RSPH9: variants seen among roughly 807,000 people sequenced by gnomAD.
RSPH9 encodes radial spoke head component 9.
A neutral mutation model predicts 27.0 loss-of-function variants in RSPH9; 27 were observed. The ratio of observed to expected loss-of-function variants is 1.00; its 90% CI spans 0.74 to 1.38. The LOEUF (loss-of-function observed/expected upper bound fraction) is 1.38. Among genes scored for constraint, RSPH9 ranks in the 40% most tolerant of loss-of-function variants. The pLI is 0.00. For synonymous variants in RSPH9, 145 were observed against 147.7 expected (o/e 0.98, Z 0.13); for missense variants, 347 against 357.4 (o/e 0.97, Z 0.24).
At chr6:43,669,240 G>A (rs1436312114) in intron 4 of RSPH9, among the ~76,000 whole-genome samples, 1 of 152,232 alleles carries the variant, frequency 6.6e-6, no homozygotes, top group East Asian at 1.9e-4. Flanking sequence ...ATGGGCGATG[G>A]CACTTGGTGC....
At chr6:43,666,450 T>G in intron 4 of RSPH9, 2 of 1,550,564 alleles carry the variant, frequency 1.3e-6, no homozygotes, top group Non-Finnish European at 1.7e-6. Context: ...TCAGGGTGAC[T>G]TCACGTGGCT....
In RSPH9 at chr6:43,670,787, A is replaced by G. The variant is rs1372719050; in HGVS notation, c.671-2A>G. ...CCTCACCTCCTGCCTGTCTTATCTC[A>G]GGGTCCTGGAGCATCCAGATGGAGA... On this transcript the variant is annotated splice_acceptor_variant, in intron 4 of 4. Transcript: ENST00000372163. LOFTEE classifies it high-confidence loss of function. 1.2e-6 allele frequency: 2 copies of G among 1,613,856 alleles called. No individual in the cohort carries two copies. Among genetic ancestry groups the G allele is most frequent in the African/African-American group, 2.7e-5 (2 of 74,930 alleles).
chr6:43,655,404 G>C (rs1453042843), intron 2 of RSPH9, among the ~76,000 whole-genome samples, 158 bp from the exon 3 acceptor site: 1 of 152,220 alleles, frequency 6.6e-6, no homozygotes, highest in Non-Finnish European at 1.5e-5. Flanking sequence ...AGAAAATCTT[G>C]ATAGGAAGGA....
At chr6:43,670,392 G>A (rs1181179783) in intron 4 of RSPH9, among the ~76,000 whole-genome samples, 9 of 152,052 alleles carry the variant, frequency 5.9e-5, no homozygotes, top group Admixed American at 1.3e-4. Context: ...GCCTGAGCCC[G>A]GGAGTTTGAG....
At chr6:43,667,170 C>T (rs1773227376) in intron 4 of RSPH9, among the ~76,000 whole-genome samples, 1 of 152,196 alleles carries the variant, frequency 6.6e-6, no homozygotes. Flanking sequence ...AAAACACCTC[C>T]CTTGCCTCAG....
At chr6:43,646,777 G>A (rs915381928) in intron 1 of RSPH9, among the ~76,000 whole-genome samples, 5 of 151,088 alleles carry the variant, frequency 3.3e-5, no homozygotes, top group African/African-American at 1.2e-4. Flanking sequence ...CCTGGCTAAC[G>A]CGGTGAAACA....
rs147687479 is a variant in RSPH9 at position 43,650,502 on chromosome 6, G to A, written c.355G>A (p.Val119Met). Residue 119 changes from valine (V) to methionine (M), a missense_variant, in exon 2 of 5, where the codon GTG (valine) becomes ATG (methionine). Coordinates refer to ENST00000372163, the MANE Select transcript of RSPH9 (RefSeq NM_152732.5). ...YEYEHTELQK[V>M]NEGEKVFEEE... is the part of the protein sequence containing the mutation. ...ATATGAACACACTGAGCTGCAGAAG[G>A]TGAATGAAGGTGAAAAAGTCTTTGA... The A allele has an allele frequency of 5.1e-5, 82 of 1,614,068 alleles. No individual in the cohort carries two copies. The highest frequency in any genetic ancestry group is 5.7e-5 in the Non-Finnish European group (67 of 1,180,054).
rs1358306378 is a variant in RSPH9, at chr6:43,671,232, G to A, written c.*283G>A. 9.1e-6 allele frequency: 5 copies of A among 549,080 alleles called. No homozygotes were observed. Among genetic ancestry groups the A allele is most frequent in the East Asian group, 3.1e-5 (1 of 31,914 alleles). 34.0% of individuals were successfully genotyped at this position (549,080 alleles called of 1,614,324 possible). ...GGAACGCAGTTTCTTGGATTCACACGAGAGCGGCAAGTGTGTCAGGCAGCC... is the reference window on the plus strand; with the variant it reads ...GGAACGCAGTTTCTTGGATTCACACAAGAGCGGCAAGTGTGTCAGGCAGCC... On this transcript the variant is annotated 3_prime_UTR_variant, in exon 5 of 5. Coordinates refer to ENST00000372163, the MANE Select transcript of RSPH9 (RefSeq NM_152732.5).
intron 4 of RSPH9, 113 bp from the exon 5 acceptor site, chr6:43,670,676 G>T: frequency 1.2e-6 from 1 of 831,480 alleles, no homozygotes; most frequent in Non-Finnish European, 2.0e-6. Flanking sequence ...TCTCTCCCCA[G>T]TGGAACCATA....
At chr6:43,656,035 TCC>T (rs758361545) in intron 3 of RSPH9, among the ~76,000 whole-genome samples, 2,823 of 93,192 alleles carry the variant, frequency 0.03, 43 homozygotes, top group African/African-American at 0.09. Context: ...CTTCCTTCCT[TCC>T]CCTTCTTTCC....
intron 4 of RSPH9, chr6:43,666,533 C>T (rs747412805): frequency 3.8e-5 from 57 of 1,514,782 alleles, no homozygotes; most frequent in Non-Finnish European, 4.5e-5. Flanking sequence ...AGGCCAACGA[C>T]TCCGCATCTT....
At chr6:43,662,370 C>CTT (rs202057084) in intron 4 of RSPH9, among the ~76,000 whole-genome samples, 5,195 of 143,772 alleles carry the variant, frequency 0.036, 215 homozygotes, top group East Asian at 0.2. Flanking sequence ...GTTTCACTTT[C>CTT]TTTTTTTTTT....
chr6:43,668,360 G>C (rs763364990), intron 4 of RSPH9, among the ~76,000 whole-genome samples: 1 of 152,168 alleles, frequency 6.6e-6, no homozygotes, highest in Non-Finnish European at 1.5e-5. Flanking sequence ...AGTGTGACAG[G>C]AATGCGAGGG....
chr6:43,672,124 G>C lies in RSPH9; in HGVS notation c.*1175G>C. Reference sequence around the variant, plus strand: ...TTGCTGCCGCAAGCCTGTGTGGCCAGGTTCAGGCAGCCCAGGGCCACAAGC... The same window carrying C: ...TTGCTGCCGCAAGCCTGTGTGGCCACGTTCAGGCAGCCCAGGGCCACAAGC... On this transcript the variant is annotated 3_prime_UTR_variant, in exon 5 of 5. Transcript: ENST00000372163. 1.6e-6 allele frequency: 1 copy of C among 607,298 alleles called. No individual in the cohort carries two copies. The highest frequency in any genetic ancestry group is 2.9e-6 in the Non-Finnish European group (1 of 343,138). The allele number at this position is 607,298 out of a possible 1,614,324, so 37.6% of individuals were successfully genotyped here.
chr6:43,661,059 A>T (rs1772561389), intron 4 of RSPH9, among the ~76,000 whole-genome samples: 1 of 152,164 alleles, frequency 6.6e-6, no homozygotes, highest in African/African-American at 2.4e-5. Flanking sequence ...AATCAGGTGC[A>T]TTGTCAATGA....
In RSPH9 at chr6:43,655,988, ACTTCCTTCCTTC is replaced by A. The variant is rs70993404; in HGVS notation, c.523+335_523+346del. 1.5e-3 allele frequency among the ~76,000 whole-genome samples: 172 copies of A among 113,714 alleles called. No individual in the cohort carries two copies. In the Middle Eastern group the frequency reaches 0.027, roughly 18 times the overall value. 74.6% of individuals were successfully genotyped at this position (113,714 alleles called of 152,430 possible). A position where few individuals can be genotyped will look rare whatever the true frequency, so the allele number is the denominator to read the frequency against. On this transcript the variant is annotated intron_variant, in intron 3 of 4. Transcript: ENST00000372163. Reference sequence around the variant, plus strand: ...CTTTTCCTATCTCCTTCCTCCTTGGACTTCCTTCCTTCCTTCCTTCCTTCCTTCCTTCCTTCC... The same window carrying A: ...CTTTTCCTATCTCCTTCCTCCTTGGACTTCCTTCCTTCCTTCCTTCCTTCC...
chr6:43,651,533 ACTCT>A (rs914997831), intron 2 of RSPH9, among the ~76,000 whole-genome samples: 2 of 151,646 alleles, frequency 1.3e-5, no homozygotes, highest in African/African-American at 4.8e-5. Flanking sequence ...GGGGACATTA[ACTCT>A]CTCTCTCTTT....
At chr6:43,664,282 G>C (rs1382485384) in intron 4 of RSPH9, among the ~76,000 whole-genome samples, 1 of 152,164 alleles carries the variant, frequency 6.6e-6, no homozygotes, top group Admixed American at 6.5e-5. Context: ...CCAGGCTGGA[G>C]TGCAGTGGCA....
At chr6:43,658,425 GT>G (rs1456622660) in intron 4 of RSPH9, among the ~76,000 whole-genome samples, 1 of 151,894 alleles carries the variant, frequency 6.6e-6, no homozygotes, top group Non-Finnish European at 1.5e-5. Flanking sequence ...GAAAAGTTGT[GT>G]TTGTACTATA....
Sources: allele counts gnomAD v4.1 joint callset (sites outside exome capture counted in the v4.1 genomes callset), GRCh38; gene constraint gnomAD v4.1.1; transcripts MANE v1.5; gene names NCBI Gene and HGNC (gene_info 2026-07-23, HGNC 2026-07-21).